Variants in TACC1 observed in about 807,000 individuals in gnomAD.
TACC1 encodes transforming acidic coiled-coil-containing protein 1.
Under a neutral mutation model 84.4 loss-of-function variants are expected in TACC1, and 48 were observed. The observed-to-expected ratio is 0.57, with a 90% CI of 0.45 to 0.72. The LOEUF is 0.72. TACC1 is among the 30% of genes least tolerant of loss of function. The probability of loss-of-function intolerance (pLI) is 0.00; values close to 1 mark genes in which losing one functional copy is unlikely to be tolerated. For missense variants in TACC1, 920 were observed against 973.0 expected (o/e 0.95, Z 0.72); for synonymous variants, 372 against 376.3 (o/e 0.99, Z 0.13).
At chr8:38,794,577 TGTGC>T (rs904891955) in intron 2 of TACC1, among the ~76,000 whole-genome samples, 1 of 152,204 alleles carries the variant, frequency 6.6e-6, no homozygotes. Flanking sequence ...TGTGTGTGTG[TGTGC>T]GTGCTATAGA....
At position 38,819,892 on chromosome 8, in the gene TACC1, C is replaced by A; in HGVS notation, c.648C>A (p.Gly216=). ...EASAEADLKA[G]NSCPELVPSR... ...CCGCAGAAGCTGATCTAAAAGCTGGCAACTCCTGTCCAGAGCTTGTGCCCA... is the reference window on the plus strand; with the variant it reads ...CCGCAGAAGCTGATCTAAAAGCTGGAAACTCCTGTCCAGAGCTTGTGCCCA... Residue 216 remains glycine (G), a synonymous_variant, in exon 3 of 13, where the codon GGC becomes GGA. Transcript: ENST00000317827. 1 of 1,614,082 alleles carries A rather than the reference C, an allele frequency of 6.2e-7. No individual in the cohort carries two copies. The highest frequency in any genetic ancestry group is 8.5e-7 in the Non-Finnish European group (1 of 1,180,046).
At chr8:38,778,522 C>T (rs1326257753) in intron 3 of TACC1, among the ~76,000 whole-genome samples, 1 of 152,182 alleles carries the variant, frequency 6.6e-6, no homozygotes, top group Non-Finnish European at 1.5e-5. Flanking sequence ...GCAGGAATCT[C>T]TTTTGTTCTC....
At position 38,793,882 on chromosome 8, in the gene TACC1, A is replaced by G. The variant is rs149120250; in HGVS notation, c.277+5063A>G. Reference sequence around the variant, plus strand: ...CTGGCAAAAGTCTAACATATTTACTATCTTGTACAGAAAAAAAATGTCAAC... The same window carrying G: ...CTGGCAAAAGTCTAACATATTTACTGTCTTGTACAGAAAAAAAATGTCAAC... On this transcript the variant is annotated intron_variant, in intron 2 of 12. Coordinates refer to ENST00000317827, the MANE Select transcript of TACC1 (RefSeq NM_006283.3). Among the ~76,000 whole-genome samples, 64 of 152,368 alleles carry G rather than the reference A, an allele frequency of 4.2e-4. No homozygotes were observed. In the East Asian group the frequency reaches 0.01, roughly 24 times the overall value.
At chr8:38,788,971 G>A (rs1817991476) in intron 2 of TACC1, 152 bp downstream of exon 2, 1 of 634,110 alleles carries the variant, frequency 1.6e-6, no homozygotes, top group African/African-American at 1.8e-5. Flanking sequence ...TGTATTTTTA[G>A]GGGTGTGGTG....
At chr8:38,829,797 A>G (rs534837931) in intron 5 of TACC1, among the ~76,000 whole-genome samples, 5 of 152,328 alleles carry the variant, frequency 3.3e-5, no homozygotes, top group Admixed American at 3.3e-4. Flanking sequence ...TATTTAAACA[A>G]GTGGTTACAT....
chr8:38,738,755 C>T (rs1806482765), intron 1 of TACC1, among the ~76,000 whole-genome samples: 2 of 151,998 alleles, frequency 1.3e-5, no homozygotes. Flanking sequence ...GCCATTTCTT[C>T]AAGTATCCCT....
At chr8:38,750,895 G>A (rs1808909849) in intron 3 of TACC1, among the ~76,000 whole-genome samples, 1 of 151,984 alleles carries the variant, frequency 6.6e-6, no homozygotes, top group African/African-American at 2.4e-5. Flanking sequence ...CAATTCCCAC[G>A]AAAATCGTAA....
intron 3 of TACC1, among the ~76,000 whole-genome samples, chr8:38,775,404 T>C (rs1348004063): frequency 6.6e-6 from 1 of 152,248 alleles, no homozygotes; most frequent in Admixed American, 6.5e-5. Context: ...TTAAGGCTAC[T>C]ATAAGGATAT....
intron 2 of TACC1, among the ~76,000 whole-genome samples, chr8:38,789,681 C>T (rs551633187): frequency 1.3e-5 from 2 of 152,248 alleles, no homozygotes; most frequent in Non-Finnish European, 2.9e-5. Context: ...GAACAGAGAC[C>T]TGAAGGCAGA....
intron 2 of TACC1, among the ~76,000 whole-genome samples, chr8:38,806,624 T>G (rs368949012): frequency 1.3e-5 from 2 of 152,066 alleles, no homozygotes; most frequent in Admixed American, 1.3e-4. Flanking sequence ...AGAAGGGGAC[T>G]TGGTTTTGGG....
In TACC1 at chr8:38,819,730, C is replaced by G. The variant is rs969689673; in HGVS notation, c.486C>G (p.Ile162Met). 3 of 1,614,014 alleles carry G rather than the reference C, an allele frequency of 1.9e-6. No individual in the cohort carries two copies. The highest frequency in any genetic ancestry group is 3.3e-5 in the Admixed American group (2 of 60,010). The part of the protein sequence containing the change: ...FSIETKDSTD[I>M]SAVLGTKAAH... ...TAGAAACGAAGGATTCCACGGATAT[C>G]TCGGCAGTCCTCGGAACAAAAGCAG... The change falls in exon 3 of 13, where the codon ATC becomes ATG. Residue 162 changes from isoleucine (I) to methionine (M), a missense_variant. Ile to Met is a conservative substitution (Grantham distance 10). Coordinates refer to ENST00000317827, the MANE Select transcript of TACC1 (RefSeq NM_006283.3).
chr8:38,814,871 A>G (rs1331183578), intron 2 of TACC1, among the ~76,000 whole-genome samples: 1 of 152,266 alleles, frequency 6.6e-6, no homozygotes, highest in African/African-American at 2.4e-5. Flanking sequence ...TAATTAGTTT[A>G]TGGGTAAATA....
At chr8:38,795,429 G>A (rs371570636) in intron 2 of TACC1, among the ~76,000 whole-genome samples, 36 of 152,294 alleles carry the variant, frequency 2.4e-4, no homozygotes, top group African/African-American at 8.4e-4. Context: ...TGGTACTTGC[G>A]GGTGGCAGAG....
intron 7 of TACC1, among the ~76,000 whole-genome samples, chr8:38,837,602 A>T (rs1333445431): frequency 6.6e-6 from 1 of 152,116 alleles, no homozygotes; most frequent in African/African-American, 2.4e-5. Flanking sequence ...AAATCTTGTA[A>T]ATGAGAAAAA....
chr8:38,802,874 G>A (rs1338327745), intron 2 of TACC1, among the ~76,000 whole-genome samples: 2 of 152,142 alleles, frequency 1.3e-5, no homozygotes, highest in South Asian at 2.1e-4. Context: ...GCAACAAGCC[G>A]TTCATGAGGG....
Position 38,848,154 on chromosome 8 carries a change from C to T in TACC1, c.*131C>T. 1 of 787,592 alleles carries T rather than the reference C, an allele frequency of 1.3e-6. No homozygotes were observed. The highest frequency in any genetic ancestry group is 2.0e-6 in the Non-Finnish European group (1 of 499,644). 48.8% of individuals were successfully genotyped at this position (787,592 alleles called of 1,614,324 possible). A position where few individuals can be genotyped will look rare whatever the true frequency, so the allele number is the denominator to read the frequency against. On this transcript the variant is annotated 3_prime_UTR_variant, in exon 13 of 13. Transcript: ENST00000317827. ...AAAACTTAAAAAAAGCACATGCCTA[C>T]TGCTGCCTGTCCCGCTTTGCTGCCA...
chr8:38,729,454 A>G (rs951392357), intron 1 of TACC1, among the ~76,000 whole-genome samples: 10 of 152,244 alleles, frequency 6.6e-5, no homozygotes, highest in African/African-American at 2.2e-4. Context: ...TTGGCAATAC[A>G]TGTGCTGACA....
At chr8:38,824,151 G>A in intron 3 of TACC1, 1 of 771,936 alleles carries the variant, frequency 1.3e-6, no homozygotes, top group East Asian at 5.2e-5. Flanking sequence ...TGATTTTTTT[G>A]CATTTCATCA....
At chr8:38,740,575 G>C (rs1038213871) in intron 1 of TACC1, among the ~76,000 whole-genome samples, 1 of 152,142 alleles carries the variant, frequency 6.6e-6, no homozygotes, top group Admixed American at 6.5e-5. Context: ...AGTTTGTGAT[G>C]ATGGGCAAAA....
Sources: gnomAD v4.1 joint callset for allele counts (sites outside exome capture counted in the v4.1 genomes callset) on GRCh38, gnomAD v4.1.1 for gene constraint, MANE v1.5 for transcripts, NCBI Gene and HGNC (gene_info 2026-07-23, HGNC 2026-07-21) for gene names.